Variants in RBFOX1 observed in about 807,000 individuals in gnomAD.
RBFOX1 encodes the protein RNA binding protein fox-1 homolog 1.
RBFOX1 carries 8 observed loss-of-function variants against 57.7 expected under a neutral mutation model. That is an observed-to-expected ratio of 0.14 (90% confidence interval 0.08 to 0.25). The LOEUF (loss-of-function observed/expected upper bound fraction) is 0.25. Among genes scored for constraint, RBFOX1 ranks in the 10% least tolerant of loss-of-function variants. RBFOX1 has a pLI of 1.00. For missense variants in RBFOX1, 611 were observed against 548.5 expected, an observed-to-expected ratio of 1.11 and a Z score of -1.14; for synonymous variants, 326 against 222.4, an observed-to-expected ratio of 1.47 and a Z score of -4.15.
At chr16:6,806,836 A>ATATATATATATATATATATATTT (rs754342591) in intron 3 of RBFOX1, among the ~76,000 whole-genome samples, 3 of 91,904 alleles carry the variant, frequency 3.3e-5, no homozygotes, top group Non-Finnish European at 6.2e-5. Context: ...ATATATATAT[A>ATATATATATATATATATATATTT]TTTTTTTTTT....
At chr16:6,060,441 T>A (rs1257158509) in intron 1 of RBFOX1, among the ~76,000 whole-genome samples, 1 of 152,198 alleles carries the variant, frequency 6.6e-6, no homozygotes, top group Non-Finnish European at 1.5e-5. Flanking sequence ...TTGGTTATTA[T>A]ACTCTTAGGA....
chr16:5,469,716 T>G (rs1422018530), intron 2 of RBFOX1, among the ~76,000 whole-genome samples: 8 of 152,180 alleles, frequency 5.3e-5, no homozygotes, highest in African/African-American at 1.9e-4. Context: ...CCTGCCCCTG[T>G]GGATTTACCT....
intron 4 of RBFOX1, among the ~76,000 whole-genome samples, chr16:7,431,466 C>T (rs1400564054): frequency 6.6e-6 from 1 of 152,034 alleles, no homozygotes; most frequent in African/African-American, 2.4e-5. Flanking sequence ...GTCTCAAGCT[C>T]CTGAACTCAA....
At chr16:6,230,031 T>G (rs1243117485) in intron 1 of RBFOX1, among the ~76,000 whole-genome samples, 1 of 152,166 alleles carries the variant, frequency 6.6e-6, no homozygotes, top group African/African-American at 2.4e-5. Flanking sequence ...GGATCTCCTT[T>G]TAAGTCAAGA....
At chr16:6,419,455 G>C (rs1162934667) in intron 2 of RBFOX1, among the ~76,000 whole-genome samples, 2 of 152,210 alleles carry the variant, frequency 1.3e-5, no homozygotes, top group African/African-American at 4.8e-5. Context: ...AAGGGAGGCA[G>C]AGACAAGACA....
chr16:5,756,747 C>G (rs1048154114), intron 3 of RBFOX1, among the ~76,000 whole-genome samples: 3 of 152,128 alleles, frequency 2.0e-5, no homozygotes, highest in African/African-American at 7.2e-5. Context: ...CAAAGAGACC[C>G]CATGAAATCA....
At chr16:6,626,007 C>G (rs182859634) in intron 2 of RBFOX1, among the ~76,000 whole-genome samples, 2 of 152,128 alleles carry the variant, frequency 1.3e-5, no homozygotes, top group Admixed American at 1.3e-4. Flanking sequence ...TATGTGCAAT[C>G]AAATTATAGG....
chr16:6,647,396 C>G (rs558124463), intron 2 of RBFOX1, among the ~76,000 whole-genome samples: 2 of 152,266 alleles, frequency 1.3e-5, no homozygotes, highest in African/African-American at 4.8e-5. Context: ...AGATGCCCAC[C>G]ACCATGCCTG....
intron 12 of RBFOX1, among the ~76,000 whole-genome samples, chr16:7,660,471 T>C (rs1383515718): frequency 1.3e-5 from 2 of 152,236 alleles, no homozygotes; most frequent in East Asian, 1.9e-4. Flanking sequence ...GCATATCTTA[T>C]ATTTTAAGTG....
intron 1 of RBFOX1, among the ~76,000 whole-genome samples, chr16:6,027,782 G>T (rs142260701): frequency 6.6e-6 from 1 of 152,124 alleles, no homozygotes; most frequent in African/African-American, 2.4e-5. Flanking sequence ...AATGTGCTTC[G>T]TATATTTTCC....
At chr16:6,706,417 G>T (rs1480331877) in intron 3 of RBFOX1, among the ~76,000 whole-genome samples, 1 of 152,210 alleles carries the variant, frequency 6.6e-6, no homozygotes, top group Non-Finnish European at 1.5e-5. Context: ...GGCTTAATTT[G>T]GCATGATAAT....
At chr16:5,991,855 T>C (rs960227269) in intron 4 of RBFOX1, among the ~76,000 whole-genome samples, 18 of 151,966 alleles carry the variant, frequency 1.2e-4, no homozygotes, top group African/African-American at 4.4e-4. Flanking sequence ...AAATTAGATA[T>C]GGTGTATCTG....
At chr16:7,509,727 A>G (rs963324822) in intron 4 of RBFOX1, among the ~76,000 whole-genome samples, 3 of 151,196 alleles carry the variant, frequency 2.0e-5, no homozygotes, top group Non-Finnish European at 3.0e-5. Flanking sequence ...AAATTTACCT[A>G]TTGCTATCTC....
chr16:6,921,745 G>A (rs938466724), intron 3 of RBFOX1, among the ~76,000 whole-genome samples: 6 of 151,338 alleles, frequency 4.0e-5, no homozygotes, highest in African/African-American at 1.5e-4. Flanking sequence ...ATGAGCATAT[G>A]TATGTGTGTG....
intron 3 of RBFOX1, among the ~76,000 whole-genome samples, chr16:6,713,794 A>G (rs2064197823): frequency 6.6e-6 from 1 of 152,078 alleles, no homozygotes; most frequent in African/African-American, 2.4e-5. Context: ...TTTTGACACC[A>G]CCTTCTGGAA....
At chr16:7,232,982 G>A (rs8051129) in intron 4 of RBFOX1, among the ~76,000 whole-genome samples, 101,634 of 151,964 alleles carry the variant, frequency 0.67, 35,661 homozygotes, top group East Asian at 0.96. Flanking sequence ...TCTCCACACC[G>A]GTGATTGTTG....
At chr16:5,243,822 C>G (rs1250729783) in intron 1 of RBFOX1, among the ~76,000 whole-genome samples, 2 of 152,150 alleles carry the variant, frequency 1.3e-5, no homozygotes, top group Non-Finnish European at 1.5e-5. Flanking sequence ...ATGAGATACA[C>G]TTTCATAGGA....
intron 3 of RBFOX1, among the ~76,000 whole-genome samples, chr16:6,979,539 G>C (rs903340729): frequency 1.3e-5 from 2 of 152,114 alleles, no homozygotes; most frequent in African/African-American, 4.8e-5. Context: ...TCTTCAATTG[G>C]ATACAGCAAT....
chr16:7,072,334 A>G (rs558507897), intron 4 of RBFOX1, among the ~76,000 whole-genome samples: 57 of 152,158 alleles, frequency 3.7e-4, no homozygotes, highest in Middle Eastern at 6.8e-3. Context: ...CACCTTCCTT[A>G]CGCTTACCCA....
Sources: gnomAD v4.1 joint callset for allele counts (sites outside exome capture counted in the v4.1 genomes callset) on GRCh38, gnomAD v4.1.1 for gene constraint, MANE v1.5 for transcripts, NCBI Gene and HGNC (gene_info 2026-07-23, HGNC 2026-07-21) for gene names.